Variants in ANKS1B observed in about 807,000 individuals in gnomAD.
ANKS1B encodes the protein ankyrin repeat and sterile alpha motif domain-containing protein 1B.
ANKS1B carries 36 observed loss-of-function variants against 148.3 expected under a neutral mutation model. The observed-to-expected ratio is 0.24, with a 90% CI of 0.19 to 0.32. ANKS1B has a LOEUF of 0.32. Among genes scored for constraint, ANKS1B ranks in the 10% least tolerant of loss-of-function variants. The pLI is 1.00. For synonymous variants in ANKS1B, 542 were observed against 560.8 expected (o/e 0.97, Z 0.47); for missense variants, 1,157 against 1,542.6 (o/e 0.75, Z 4.19).
intron 25 of ANKS1B, among the ~76,000 whole-genome samples, chr12:98,753,320 C>T (rs1190799303): frequency 6.6e-6 from 1 of 152,228 alleles, no homozygotes; most frequent in African/African-American, 2.4e-5. Context: ...GTGGCCACCA[C>T]ACCCTGAGGT....
chr12:98,754,679 A>T (rs141245097), intron 25 of ANKS1B, among the ~76,000 whole-genome samples: 3 of 152,336 alleles, frequency 2.0e-5, no homozygotes, highest in African/African-American at 7.2e-5. Context: ...GATCTACTTA[A>T]AGCTCCAGGA....
intron 9 of ANKS1B, among the ~76,000 whole-genome samples, chr12:99,654,412 T>G (rs1380003212): frequency 6.6e-6 from 1 of 152,182 alleles, no homozygotes; most frequent in Non-Finnish European, 1.5e-5. Context: ...CTTTGCTTAT[T>G]GTGCAGAGAT....
Position 99,450,529 on chromosome 12 carries a change from G to A in ANKS1B, c.1439-6720C>T, listed in dbSNP as rs148767180. ...ACTGTAAGCCAACAGCTTCTTGAATGTTTTTTTTCTGAGTATTTTAATACA... is the reference window on the plus strand; with the variant it reads ...ACTGTAAGCCAACAGCTTCTTGAATATTTTTTTTCTGAGTATTTTAATACA... On this transcript the variant is annotated intron_variant, in intron 10 of 26. Coordinates refer to ENST00000683438, the MANE Select transcript of ANKS1B (RefSeq NM_001352186.2). Among the ~76,000 whole-genome samples, 150 of 151,982 alleles carry A rather than the reference G, an allele frequency of 9.9e-4. 1 individual carries two copies. The highest frequency in any genetic ancestry group is 3.5e-3 in the African/African-American group (144 of 41,478).
chr12:99,061,315 G>A (rs143407798), intron 16 of ANKS1B, among the ~76,000 whole-genome samples: 1 of 152,180 alleles, frequency 6.6e-6, no homozygotes, highest in African/African-American at 2.4e-5. Flanking sequence ...AGTGACTGCA[G>A]TTCAGCTTTG....
intron 14 of ANKS1B, among the ~76,000 whole-genome samples, chr12:99,173,550 A>G (rs2078035321): frequency 6.6e-6 from 1 of 152,184 alleles, no homozygotes; most frequent in Non-Finnish European, 1.5e-5. Context: ...CATAAACCAA[A>G]AACAAAGAAT....
chr12:99,221,154 A>G (rs1250859756), intron 14 of ANKS1B, among the ~76,000 whole-genome samples: 1 of 152,092 alleles, frequency 6.6e-6, no homozygotes, highest in Non-Finnish European at 1.5e-5. Context: ...CCTGGCTAAC[A>G]TGGTAAAACC....
intron 8 of ANKS1B, among the ~76,000 whole-genome samples, chr12:99,746,238 T>C (rs1044274270): frequency 1.3e-5 from 2 of 152,212 alleles, no homozygotes; most frequent in Non-Finnish European, 1.5e-5. Context: ...GGTGGCTTCA[T>C]TGTGCCATCA....
At chr12:99,351,936 A>C (rs546723028) in intron 12 of ANKS1B, 2 of 152,190 alleles carry the variant, frequency 1.3e-5, no homozygotes, top group African/African-American at 4.8e-5. Flanking sequence ...TATTTAAAGG[A>C]AAGTTTAAAA....
At chr12:99,958,253 A>G (rs1474191640) in intron 1 of ANKS1B, among the ~76,000 whole-genome samples, 1 of 152,178 alleles carries the variant, frequency 6.6e-6, no homozygotes, top group Non-Finnish European at 1.5e-5. Flanking sequence ...CGGGTTGGAG[A>G]GTGCTGCTAC....
chr12:99,536,990 T>C (rs1596545275), intron 9 of ANKS1B, among the ~76,000 whole-genome samples: 1 of 152,172 alleles, frequency 6.6e-6, no homozygotes, highest in Non-Finnish European at 1.5e-5. Context: ...ATCCCACAAA[T>C]AAACAAAAAC....
At chr12:98,848,710 C>T (rs982844730) in intron 17 of ANKS1B, among the ~76,000 whole-genome samples, 1 of 139,566 alleles carries the variant, frequency 7.2e-6, no homozygotes, top group African/African-American at 2.7e-5. Context: ...AGGTGCATGC[C>T]ACCATACCTG....
chr12:99,028,719 A>G (rs2099950263), intron 17 of ANKS1B, among the ~76,000 whole-genome samples: 1 of 152,234 alleles, frequency 6.6e-6, no homozygotes, highest in South Asian at 2.1e-4. Flanking sequence ...AAGAATAATG[A>G]GATTTAAGTA....
chr12:99,061,691 A>G (rs2042508896), intron 16 of ANKS1B, among the ~76,000 whole-genome samples: 1 of 152,252 alleles, frequency 6.6e-6, no homozygotes, highest in African/African-American at 2.4e-5. Flanking sequence ...CTATTTCAGT[A>G]TCATAGCCTT....
intron 11 of ANKS1B, among the ~76,000 whole-genome samples, chr12:99,442,335 C>T (rs10745855): frequency 5.3e-5 from 8 of 151,482 alleles, no homozygotes; most frequent in Non-Finnish European, 8.8e-5. Context: ...TGGCAGAAGA[C>T]GACATTTTTG....
intron 12 of ANKS1B, among the ~76,000 whole-genome samples, chr12:99,322,449 C>T (rs930889798): frequency 6.9e-6 from 1 of 144,940 alleles, no homozygotes; most frequent in African/African-American, 2.6e-5. Context: ...AACCTGCACA[C>T]TCTGTATATG....
intron 1 of ANKS1B, among the ~76,000 whole-genome samples, chr12:99,910,920 A>T (rs2093986181): frequency 6.6e-6 from 1 of 152,214 alleles, no homozygotes; most frequent in African/African-American, 2.4e-5. Context: ...CAATAATAAT[A>T]TCAAGTACTC....
At chr12:99,303,745 A>G (rs1014903001) in intron 12 of ANKS1B, among the ~76,000 whole-genome samples, 3 of 152,088 alleles carry the variant, frequency 2.0e-5, no homozygotes, top group Admixed American at 6.6e-5. Flanking sequence ...AGGAGGGTAC[A>G]CTGTACTCAA....
At chr12:98,794,392 CAAAAAAAAAAAAAAAAAAA>C (rs571692746) in intron 22 of ANKS1B, 456 of 84,112 alleles carry the variant, frequency 5.4e-3, no homozygotes, top group East Asian at 0.018. Flanking sequence ...AACTCTGTCT[CAAAAAAAAAAAAAAAAAAA>C]AAAAAAAAAA....
intron 14 of ANKS1B, among the ~76,000 whole-genome samples, chr12:99,164,996 AT>A (rs1238989489): frequency 6.6e-6 from 1 of 152,040 alleles, no homozygotes; most frequent in African/African-American, 2.4e-5. Flanking sequence ...TTTAGTTAGA[AT>A]AGTTTCTCAT....
Sources: allele counts gnomAD v4.1 joint callset (sites outside exome capture counted in the v4.1 genomes callset), GRCh38; gene constraint gnomAD v4.1.1; transcripts MANE v1.5; gene names NCBI Gene and HGNC (gene_info 2026-07-23, HGNC 2026-07-21).